Variants in IMMT observed in about 807,000 individuals in gnomAD.
IMMT encodes the protein inner membrane mitochondrial protein.
In IMMT, 40 loss-of-function variants were observed where a neutral mutation model predicts 92.7. The ratio of observed to expected loss-of-function variants is 0.43; its 90% confidence interval spans 0.34 to 0.56. The LOEUF (loss-of-function observed/expected upper bound fraction) is 0.56. Among genes scored for constraint, IMMT ranks in the 20% least tolerant of loss-of-function variants. The pLI, the probability that IMMT is intolerant of heterozygous loss-of-function variation, is 0.03. For missense variants in IMMT, 831 were observed against 912.1 expected, an observed-to-expected ratio of 0.91 and a Z score of 1.14; for synonymous variants, 322 against 336.1, an observed-to-expected ratio of 0.96 and a Z score of 0.46.
chr2:86,171,210 G>A lies in IMMT; in HGVS notation c.557C>T (p.Ser186Leu). ...ACAAATAGAAATAATTAAATTACCT[G>A]AAAGTGCAGGTGTGGGTTTTCCTTC... ...IGEGKPTPAL[S>L]EEASSSSIRE... is the part of the protein sequence containing the mutation. The change falls in exon 5 of 15, where the codon TCA (serine) becomes TTA (leucine). Residue 186 changes from serine to leucine, a missense_variant and splice_region_variant. By Grantham distance (145) the Ser-to-Leu change is moderately radical. Transcript: ENST00000410111. 6.3e-7 allele frequency: 1 copy of A among 1,586,544 alleles called. No individual in the cohort carries two copies. Among genetic ancestry groups the A allele is most frequent in the South Asian group, 1.1e-5 (1 of 87,236 alleles).
In IMMT at chr2:86,144,650, C is replaced by A; in HGVS notation, c.1895G>T (p.Arg632Ile). The A allele has an allele frequency of 6.2e-7, 1 of 1,613,932 alleles. No individual in the cohort carries two copies. The highest frequency in any genetic ancestry group is 8.5e-7 in the Non-Finnish European group (1 of 1,179,890). The stretch of plus-strand genomic sequence containing the variant: ...TTTTTGAACAGCATAGAAACGGGCT[C>A]TAAGGGTCTCTTCACTGTACACCCC... ...TRGVYSEETL[R>I]ARFYAVQKLA... The change falls in exon 15 of 15, where the codon AGA (arginine) becomes ATA (isoleucine). Residue 632 changes from arginine (R) to isoleucine (I), a missense_variant. Coordinates refer to ENST00000410111, the MANE Select transcript of IMMT (RefSeq NM_006839.3).
At chr2:86,169,875 G>A (rs1036647560) in intron 6 of IMMT, among the ~76,000 whole-genome samples, 1 of 151,762 alleles carries the variant, frequency 6.6e-6, no homozygotes, top group East Asian at 1.9e-4. Flanking sequence ...AACACAGTAA[G>A]AGCCCATCTC....
intron 8 of IMMT, among the ~76,000 whole-genome samples, chr2:86,160,948 T>G (rs1199895838): frequency 6.6e-6 from 1 of 152,078 alleles, no homozygotes; most frequent in Non-Finnish European, 1.5e-5. Context: ...GTAAGATCCT[T>G]TATATGTCTG....
At chr2:86,171,590 T>C (rs1466720240) in intron 4 of IMMT, 2 of 434,820 alleles carry the variant, frequency 4.6e-6, no homozygotes, top group African/African-American at 3.9e-5. Flanking sequence ...TCCACCTGCA[T>C]TTTAACCATC....
At chr2:86,193,066 G>C (rs553030267) in intron 1 of IMMT, 2 of 153,256 alleles carry the variant, frequency 1.3e-5, no homozygotes, top group East Asian at 3.9e-4. Context: ...CTAGAGTAAA[G>C]AATGGACTCT....
chr2:86,179,651 A>C (rs750576018), intron 2 of IMMT, 29 bp from the exon 3 acceptor site: 2 of 1,543,196 alleles, frequency 1.3e-6, no homozygotes, highest in Non-Finnish European at 1.7e-6. Flanking sequence ...AAATACATTT[A>C]TATTTCTTGG....
intron 1 of IMMT, among the ~76,000 whole-genome samples, chr2:86,185,012 C>T (rs1378429218): frequency 1.3e-5 from 2 of 151,972 alleles, no homozygotes; most frequent in Admixed American, 1.3e-4. Context: ...CATGGTGAAA[C>T]CCCGTCTCTA....
chr2:86,158,735 C>G lies in IMMT; in HGVS notation c.1033-14G>C, dbSNP rs369954528. The G allele has an allele frequency of 1.0e-4, 161 of 1,589,028 alleles. 1 individual carries two copies. The African/African-American group carries it at 1.8e-3, about 18-fold the overall frequency. On this transcript the variant is annotated splice_polypyrimidine_tract_variant and intron_variant, in intron 9 of 14. Coordinates refer to ENST00000410111, the MANE Select transcript of IMMT (RefSeq NM_006839.3). ...AGCTGCTTGGACCTGAGCAAATACA[C>G]AGGGTATGTGATTAAATTGAACAAA... is the stretch of plus-strand genomic sequence containing the variant.
At chr2:86,188,298 T>A (rs1374671676) in intron 1 of IMMT, among the ~76,000 whole-genome samples, 1 of 152,148 alleles carries the variant, frequency 6.6e-6, no homozygotes, top group Non-Finnish European at 1.5e-5. Flanking sequence ...TGTCAAAGGA[T>A]GTTGAGCATC....
chr2:86,193,629 A>G (rs1673328398), intron 1 of IMMT, among the ~76,000 whole-genome samples: 1 of 152,164 alleles, frequency 6.6e-6, no homozygotes, highest in East Asian at 1.9e-4. Flanking sequence ...AAGCAGACTC[A>G]GTAAAGGAAA....
chr2:86,152,349 G>A (rs750063784), intron 11 of IMMT, among the ~76,000 whole-genome samples: 1 of 146,154 alleles, frequency 6.8e-6, no homozygotes, highest in Non-Finnish European at 1.5e-5. Flanking sequence ...GCTGAGGTAG[G>A]AGAATTACTT....
Position 86,144,851 on chromosome 2 carries a change from T to C in IMMT, c.1694A>G (p.Lys565Arg). 1 of 1,606,194 alleles carries C rather than the reference T, an allele frequency of 6.2e-7. No homozygotes were observed. Among genetic ancestry groups the C allele is most frequent in the African/African-American group, 1.3e-5 (1 of 74,778 alleles). Reference sequence around the variant, plus strand: ...CACTGAAAGCCAGAGTTGGTGGGCTTTTCTGGCTTCCTCTTCAGCAACTGC... The same window carrying C: ...CACTGAAAGCCAGAGTTGGTGGGCTCTTCTGGCTTCCTCTTCAGCAACTGC... ...SHAVAEEEARKAHQLWLSVEA... is the reference protein window; with the variant it reads ...SHAVAEEEARRAHQLWLSVEA... The change falls in exon 15 of 15, where the codon AAA (lysine) becomes AGA (arginine). Residue 565 changes from lysine to arginine, a missense_variant. Physicochemically the swap from Lys to Arg is conservative, Grantham distance 26. Transcript: ENST00000410111.
intron 12 of IMMT, among the ~76,000 whole-genome samples, chr2:86,149,253 G>T (rs193021544): frequency 6.6e-6 from 1 of 152,204 alleles, no homozygotes; most frequent in Non-Finnish European, 1.5e-5. Flanking sequence ...TTTAAACAGA[G>T]AGGATAGAAC....
intron 6 of IMMT, among the ~76,000 whole-genome samples, chr2:86,167,430 C>G (rs1293390379): frequency 6.6e-6 from 1 of 151,194 alleles, no homozygotes; most frequent in Non-Finnish European, 1.5e-5. Flanking sequence ...ACCCTGGACT[C>G]CCAAAGTGCT....
intron 6 of IMMT, 57 bp downstream of exon 6, chr2:86,170,689 TAAG>T (rs1677021875): frequency 8.9e-7 from 1 of 1,125,738 alleles, no homozygotes; most frequent in East Asian, 2.6e-5. Context: ...GCTGATAGTT[TAAG>T]AAGAGAGCAA....
chr2:86,165,801 A>G (rs1387984695), intron 7 of IMMT, among the ~76,000 whole-genome samples: 1 of 152,216 alleles, frequency 6.6e-6, no homozygotes, highest in Non-Finnish European at 1.5e-5. Flanking sequence ...GGAACATGAG[A>G]GCTCTCTGTA....
intron 6 of IMMT, 43 bp downstream of exon 6, chr2:86,170,706 G>A: frequency 2.3e-6 from 3 of 1,286,106 alleles, no homozygotes; most frequent in Non-Finnish European, 3.3e-6. Context: ...AGAGCAACTG[G>A]GAGATGACCC....
chr2:86,162,872 C>T lies in IMMT; in HGVS notation c.793-793G>A, dbSNP rs1168843633. On this transcript the variant is annotated intron_variant, in intron 7 of 14. Coordinates refer to ENST00000410111, the MANE Select transcript of IMMT (RefSeq NM_006839.3). ...AAAAGTTTTCCTTGAAAATCTTAGGCAGATCCAACATGTTTTTCTCCAGCT... is the reference window on the plus strand; with the variant it reads ...AAAAGTTTTCCTTGAAAATCTTAGGTAGATCCAACATGTTTTTCTCCAGCT... 2.0e-5 allele frequency among the ~76,000 whole-genome samples: 3 copies of T among 152,042 alleles called. No individual in the cohort carries two copies. In the East Asian group the frequency reaches 5.8e-4, roughly 29 times the overall value.
At chr2:86,178,979 T>C (rs1007126614) in intron 3 of IMMT, among the ~76,000 whole-genome samples, 5 of 152,200 alleles carry the variant, frequency 3.3e-5, no homozygotes, top group Admixed American at 2.6e-4. Context: ...GGAGAATCGC[T>C]TGAACCCGGA....
Sources: allele counts gnomAD v4.1 joint callset (sites outside exome capture counted in the v4.1 genomes callset), GRCh38; gene constraint gnomAD v4.1.1; transcripts MANE v1.5; gene names NCBI Gene and HGNC (gene_info 2026-07-23, HGNC 2026-07-21).